Variants in TAX1BP1 observed in about 807,000 individuals in gnomAD.
TAX1BP1 encodes the protein tax1-binding protein 1.
In TAX1BP1, 62 loss-of-function variants were observed where a neutral mutation model predicts 97.7. The observed-to-expected ratio is 0.63, with a 90% CI of 0.52 to 0.78. TAX1BP1 has a LOEUF of 0.78. Ranked by LOEUF, TAX1BP1 falls within the 30% of genes least tolerant of loss-of-function variation. The probability of loss-of-function intolerance (pLI) is 0.00; values close to 1 mark genes in which losing one functional copy is unlikely to be tolerated. For missense variants in TAX1BP1, 867 were observed against 916.1 expected (o/e 0.95, Z 0.69); for synonymous variants, 340 against 304.2 (o/e 1.12, Z -1.23).
At chr7:27,820,096 C>G (rs945480298) in intron 15 of TAX1BP1, among the ~76,000 whole-genome samples, 1 of 152,158 alleles carries the variant, frequency 6.6e-6, no homozygotes, top group Non-Finnish European at 1.5e-5. Context: ...ATTTGGGATA[C>G]GCTATTTTAA....
chr7:27,759,489 A>G (rs1788347314), intron 3 of TAX1BP1, among the ~76,000 whole-genome samples: 1 of 152,150 alleles, frequency 6.6e-6, no homozygotes, highest in African/African-American at 2.4e-5. Flanking sequence ...GTTTTTCTCC[A>G]TTAAAGTTGA....
At chr7:27,764,389 C>T (rs866052774) in intron 3 of TAX1BP1, among the ~76,000 whole-genome samples, 5 of 152,056 alleles carry the variant, frequency 3.3e-5, no homozygotes, top group Non-Finnish European at 5.9e-5. Flanking sequence ...TGGTTTTGCT[C>T]GATGTTTTCT....
At chr7:27,756,360 T>C (rs954365885) in intron 2 of TAX1BP1, among the ~76,000 whole-genome samples, 2 of 152,196 alleles carry the variant, frequency 1.3e-5, no homozygotes, top group Non-Finnish European at 2.9e-5. Flanking sequence ...GTTTTAGTTT[T>C]CCTTACTCAA....
At chr7:27,793,339 G>T in intron 10 of TAX1BP1, 127 bp downstream of exon 10, 1 of 870,894 alleles carries the variant, frequency 1.1e-6, no homozygotes. Context: ...TCAAGTCATT[G>T]GCCAAATATT....
intron 3 of TAX1BP1, among the ~76,000 whole-genome samples, chr7:27,763,278 A>G (rs1323716421): frequency 6.6e-6 from 1 of 152,200 alleles, no homozygotes; most frequent in African/African-American, 2.4e-5. Flanking sequence ...ATCTTGTTGA[A>G]TACTAAAGGC....
At chr7:27,797,322 A>T (rs911341421) in intron 12 of TAX1BP1, among the ~76,000 whole-genome samples, 1 of 152,042 alleles carries the variant, frequency 6.6e-6, no homozygotes, top group Non-Finnish European at 1.5e-5. Flanking sequence ...AAACAGCTTC[A>T]TTCAGACTTT....
intron 13 of TAX1BP1, among the ~76,000 whole-genome samples, chr7:27,811,777 C>G (rs963186787): frequency 3.3e-5 from 5 of 152,132 alleles, no homozygotes; most frequent in African/African-American, 4.8e-5. Flanking sequence ...CTGCTACCCC[C>G]CTGTCCTAGA....
At position 27,816,989 on chromosome 7, in the gene TAX1BP1, C is replaced by T. The variant is rs1366562050; in HGVS notation, c.2036C>T (p.Ala679Val). ...LEDNVVCSQPARNFSRPDGLE... is the reference protein window; with the variant it reads ...LEDNVVCSQPVRNFSRPDGLE... ...GACAATGTTGTCTGCAGCCAGCCTG[C>T]TCGAAACTTTAGTCGGCCTGATGGC... Residue 679 changes from alanine to valine, a missense_variant, in exon 15 of 17, where the codon GCT becomes GTT. This residue lies in a region of TAX1BP1 where 822 missense variants were observed against 851.4 expected (regional missense o/e 0.97). Coordinates refer to ENST00000396319, the MANE Select transcript of TAX1BP1 (RefSeq NM_006024.7). 1.2e-6 allele frequency: 2 copies of T among 1,614,022 alleles called. No homozygotes were observed. Among genetic ancestry groups the T allele is most frequent in the Admixed American group, 3.3e-5 (2 of 59,964 alleles).
chr7:27,756,593 C>T (rs1258726877), intron 2 of TAX1BP1, among the ~76,000 whole-genome samples: 1 of 152,136 alleles, frequency 6.6e-6, no homozygotes, highest in African/African-American at 2.4e-5. Flanking sequence ...CAAAACCATA[C>T]AGCTAGCAAA....
Position 27,793,149 on chromosome 7 carries a change from T to C in TAX1BP1, c.1347T>C (p.Tyr449=), listed in dbSNP as rs1360419185. The change falls in exon 10 of 17, where the codon TAT becomes TAC. Residue 449 remains tyrosine, a synonymous_variant. Coordinates refer to ENST00000396319, the MANE Select transcript of TAX1BP1 (RefSeq NM_006024.7). ...KLRLQMAADH[Y]KEKFKECQRL... ...GTCTTCAGATGGCTGCAGACCATTA[T>C]AAAGAAAAATTTAAGGAATGCCAAA... is the stretch of plus-strand genomic sequence containing the variant. The C allele has an allele frequency of 1.3e-6, 2 of 1,597,302 alleles. No homozygotes were observed. Among genetic ancestry groups the C allele is most frequent in the African/African-American group, 2.7e-5 (2 of 73,602 alleles).
intron 11 of TAX1BP1, 144 bp from the exon 12 acceptor site, chr7:27,795,972 T>C (rs1389995855): frequency 3.4e-6 from 2 of 595,974 alleles, no homozygotes; most frequent in Non-Finnish European, 5.9e-6. Context: ...TCTTTGTATA[T>C]CTAGGATATG....
Position 27,828,723 on chromosome 7 carries a change from A to AG in TAX1BP1, c.2266dup (p.Val756GlyfsTer12). On this transcript the variant is annotated frameshift_variant, in exon 17 of 17. Transcript: ENST00000396319. LOFTEE classifies it high-confidence loss of function. ...GAAGAACATGTTGAAAGTCACTGGA[A>AG]GGTGTGCCCGATGTGCAGCGAGCAG... is the stretch of plus-strand genomic sequence containing the variant. 1 of 1,614,172 alleles carries AG rather than the reference A, an allele frequency of 6.2e-7. No individual in the cohort carries two copies. The highest frequency in any genetic ancestry group is 8.5e-7 in the Non-Finnish European group (1 of 1,180,010).
At chr7:27,777,063 A>G (rs1789061210) in intron 5 of TAX1BP1, among the ~76,000 whole-genome samples, 2 of 152,118 alleles carry the variant, frequency 1.3e-5, no homozygotes, top group African/African-American at 2.4e-5. Flanking sequence ...TCTTGAACAT[A>G]TGGAATACAC....
chr7:27,789,744 A>G (rs1331032209), intron 8 of TAX1BP1, among the ~76,000 whole-genome samples: 1 of 152,028 alleles, frequency 6.6e-6, no homozygotes, highest in Non-Finnish European at 1.5e-5. Context: ...GCTATTAAAA[A>G]TACTCAGACA....
intron 3 of TAX1BP1, among the ~76,000 whole-genome samples, chr7:27,762,211 G>GT (rs1329357919): frequency 6.6e-6 from 1 of 152,072 alleles, no homozygotes; most frequent in Non-Finnish European, 1.5e-5. Context: ...ATTCATAGAT[G>GT]TTTTTTGGAT....
intron 11 of TAX1BP1, 65 bp from the exon 12 acceptor site, chr7:27,796,051 T>C: frequency 8.1e-7 from 1 of 1,240,380 alleles, no homozygotes; most frequent in Non-Finnish European, 1.2e-6. Flanking sequence ...TAAGTTATTC[T>C]GAACAGGAAG....
intron 15 of TAX1BP1, among the ~76,000 whole-genome samples, chr7:27,817,552 C>T (rs1448086878): frequency 6.6e-6 from 1 of 152,046 alleles, no homozygotes; most frequent in Non-Finnish European, 1.5e-5. Flanking sequence ...TGGAGAAATA[C>T]TATTTGAGAT....
chr7:27,766,969 T>G (rs1387995520), intron 4 of TAX1BP1, among the ~76,000 whole-genome samples: 2 of 152,234 alleles, frequency 1.3e-5, no homozygotes, highest in African/African-American at 2.4e-5. Context: ...TTACTGTTTT[T>G]GTAAATAGAA....
intron 13 of TAX1BP1, among the ~76,000 whole-genome samples, chr7:27,803,490 C>T (rs1473919854): frequency 2.0e-5 from 3 of 152,126 alleles, no homozygotes; most frequent in African/African-American, 7.2e-5. Flanking sequence ...GTTCCCAATC[C>T]CCTTTCAGGG....
Sources: gnomAD v4.1 joint callset for allele counts (sites outside exome capture counted in the v4.1 genomes callset) on GRCh38, gnomAD v4.1.1 for gene constraint, gnomAD v4.1.1 regional missense constraint, MANE v1.5 for transcripts, NCBI Gene and HGNC (gene_info 2026-07-23, HGNC 2026-07-21) for gene names.